Variants in HR observed in about 807,000 individuals in gnomAD.
HR encodes the protein HR lysine demethylase and nuclear receptor corepressor.
A neutral mutation model predicts 128.6 loss-of-function variants in HR; 83 were observed. The observed-to-expected ratio is 0.65, with a 90% CI of 0.54 to 0.77. The LOEUF (loss-of-function observed/expected upper bound fraction) is 0.77. HR is among the 30% of genes least tolerant of loss of function. The pLI is 0.00. For missense variants in HR, 1,490 were observed against 1,574.6 expected, an observed-to-expected ratio of 0.95 and a Z score of 0.91; for synonymous variants, 681 against 658.2, an observed-to-expected ratio of 1.03 and a Z score of -0.53.
At chr8:22,123,617 T>TTTCCCCCCCCC in intron 6 of HR, 32 bp downstream of exon 6, 3 of 292,092 alleles carry the variant, frequency 1.0e-5, no homozygotes, top group East Asian at 1.1e-4. Flanking sequence ...GAGGGCTCCA[T>TTTCCCCCCCCC]CCCGCCCTCC....
At chr8:22,126,984 G>GCGGC in intron 3 of HR, 53 bp downstream of exon 3, 1 of 1,267,116 alleles carries the variant, frequency 7.9e-7, no homozygotes, top group Non-Finnish European at 1.1e-6. Flanking sequence ...CGAAGCCCCA[G>GCGGC]CCCCGGCTGC....
intron 3 of HR, among the ~76,000 whole-genome samples, chr8:22,126,107 AT>A (rs1257582813): frequency 1.3e-5 from 2 of 152,208 alleles, no homozygotes; most frequent in Non-Finnish European, 2.9e-5. Flanking sequence ...TGAGGAGACA[AT>A]CCCAACGTGG....
intron 8 of HR, among the ~76,000 whole-genome samples, chr8:22,122,201 G>C (rs558130338): frequency 1.1e-4 from 17 of 152,312 alleles, no homozygotes; most frequent in African/African-American, 3.8e-4. Context: ...CTGGGGACCT[G>C]GCCATACCAA....
Position 22,127,085 on chromosome 8 carries a change from A to T in HR, c.1357T>A (p.Ser453Thr). The T allele has an allele frequency of 6.2e-7, 1 of 1,611,604 alleles. No individual in the cohort carries two copies. The highest frequency in any genetic ancestry group is 1.1e-5 in the South Asian group (1 of 90,940). The part of the protein sequence containing the change: ...AGGWQEVRDT[S>T]IGNKDVDSGQ... ...GAGTCCACATCCTTGTTCCCTATCG[A>T]TGTGTCCCGCACCTCCTGCCAACCC... is the stretch of plus-strand genomic sequence containing the variant. The change falls in exon 3 of 19, where the codon TCG becomes ACG. Residue 453 changes from serine (S) to threonine (T), a missense_variant. Coordinates refer to ENST00000381418, the MANE Select transcript of HR (RefSeq NM_005144.5).
rs1270584921 is a variant in HR at position 22,128,960 on chromosome 8, C to G, written c.211G>C (p.Asp71His). Reference sequence around the variant, plus strand: ...TCGCCCTCCACAAGTGGGAGCATGTCCTTGGGGCCCTGGGGGAAGCCAGGG... The same window carrying G: ...TCGCCCTCCACAAGTGGGAGCATGTGCTTGGGGCCCTGGGGGAAGCCAGGG... ...LPPGFPQGPK[D>H]MLPLVEGEGP... Residue 71 changes from aspartate to histidine, a missense_variant, in exon 2 of 19, where the codon GAC becomes CAC. Physicochemically the swap from Asp to His is moderately conservative, Grantham distance 81. Around this residue, in one of 3 missense-constraint regions of HR, gnomAD observed 1,060 missense variants for 1,060.9 expected, o/e 1.00. Coordinates refer to ENST00000381418, the MANE Select transcript of HR (RefSeq NM_005144.5). 2.3e-5 allele frequency: 37 copies of G among 1,613,300 alleles called. No individual in the cohort carries two copies. The highest frequency in any genetic ancestry group is 3.1e-5 in the Non-Finnish European group (36 of 1,180,010).
intron 14 of HR, 63 bp from the exon 15 acceptor site, chr8:22,119,346 C>A: frequency 6.2e-7 from 1 of 1,606,628 alleles, no homozygotes; most frequent in Non-Finnish European, 8.5e-7. Context: ...CGGTTGCTCA[C>A]GCCTGTAATC....
rs931678658 is a variant in HR at position 22,122,716 on chromosome 8, G to A, written c.2005+74C>T. 4.7e-6 allele frequency: 7 copies of A among 1,493,126 alleles called. No individual in the cohort carries two copies. In the African/African-American group the frequency reaches 9.7e-5, roughly 21 times the overall value. The allele number at this position is 1,493,126 out of a possible 1,614,324, so 92.5% of individuals were successfully genotyped here. On this transcript the variant is annotated intron_variant, in intron 7 of 18. Transcript: ENST00000381418. ...GCAGAAGGGCATGGCACTGGGGGGA[G>A]GGACAATCAGACGGGAAGCTGGTCT...
At chr8:22,121,717 C>T in intron 8 of HR, 23 bp from the exon 9 acceptor site, 1 of 1,608,922 alleles carries the variant, frequency 6.2e-7, no homozygotes, top group Non-Finnish European at 8.5e-7. Context: ...TCCACCACCC[C>T]CCCAATCCAA....
At chr8:22,121,766 C>A in intron 8 of HR, 72 bp from the exon 9 acceptor site, 3 of 1,441,276 alleles carry the variant, frequency 2.1e-6, no homozygotes, top group Non-Finnish European at 2.9e-6. Context: ...TCAACAGAAC[C>A]CACAAGAATG....
chr8:22,122,934 T>G, intron 6 of HR, 55 bp from the exon 7 acceptor site: 553 of 1,509,774 alleles, frequency 3.7e-4, no homozygotes, highest in Non-Finnish European at 4.5e-4. Flanking sequence ...AATCACAGGT[T>G]AAGGTCAGAG....
intron 7 of HR, 22 bp downstream of exon 7, chr8:22,122,768 C>T: frequency 6.5e-7 from 1 of 1,548,536 alleles, no homozygotes; most frequent in Non-Finnish European, 8.7e-7. Flanking sequence ...TCTGCACGCC[C>T]CACCCCTCCA....
At position 22,116,793 on chromosome 8, in the gene HR, G is replaced by C; in HGVS notation, c.3378+82C>G. 1 of 1,499,694 alleles carries C rather than the reference G, an allele frequency of 6.7e-7. No individual in the cohort carries two copies. Among genetic ancestry groups the C allele is most frequent in the African/African-American group, 1.4e-5 (1 of 72,334 alleles). 92.9% of individuals were successfully genotyped at this position (1,499,694 alleles called of 1,614,324 possible). ...CCTGCCCGGCTCTTGGGTATTGAGG[G>C]GATGTTGGATGCCTGCGGCCTTGAT... On this transcript the variant is annotated intron_variant, in intron 17 of 18. Transcript: ENST00000381418. This position sits in a 1 kb window ranked among gnomAD's most constrained non-coding sequence, Gnocchi z 4.2.
chr8:22,116,507 C>T lies in HR; in HGVS notation c.3379-79G>A. The T allele has an allele frequency of 2.6e-6, 4 of 1,552,826 alleles. No individual in the cohort carries two copies. The highest frequency in any genetic ancestry group is 2.6e-6 in the Non-Finnish European group (3 of 1,146,424). On this transcript the variant is annotated intron_variant, in intron 17 of 18. Coordinates refer to ENST00000381418, the MANE Select transcript of HR (RefSeq NM_005144.5). The surrounding 1 kb of genome is among the most constrained non-coding windows in gnomAD (Gnocchi z 4.2). ...TCCCCCTGGTCCCTGAGGTTCGCTT[C>T]CTCTAATGACAACCACCCCCGACCC...
At chr8:22,122,968 C>T (rs1343701286) in intron 6 of HR, 89 bp from the exon 7 acceptor site, 1 of 1,240,204 alleles carries the variant, frequency 8.1e-7, no homozygotes, top group Non-Finnish European at 1.2e-6. Context: ...GATACCTAAA[C>T]CAGGGGACTC....
At position 22,129,078 on chromosome 8, in the gene HR, C is replaced by T. The variant is rs373939334; in HGVS notation, c.93G>A (p.Pro31=). 71 of 1,574,852 alleles carry T rather than the reference C, an allele frequency of 4.5e-5. No homozygotes were observed. Among genetic ancestry groups the T allele is most frequent in the Admixed American group, 1.3e-4 (7 of 54,646 alleles). The part of the protein sequence containing the change: ...NGIVRQEPGS[P]PRDGLHHGPL... ...GCCCATGGTGCAGTCCATCTCGAGG[C>T]GGGCTGCCGGGCTCCTGTCTCACGA... Residue 31 remains proline, a synonymous_variant, in exon 2 of 19, where the codon CCG becomes CCA. Transcript: ENST00000381418.
intron 6 of HR, 32 bp downstream of exon 6, chr8:22,123,617 T>TTCCCCCCCCCCCCCCCCCCC: frequency 3.4e-6 from 1 of 292,092 alleles, no homozygotes; most frequent in East Asian, 1.1e-4. Context: ...GAGGGCTCCA[T>TTCCCCCCCCCCCCCCCCCCC]CCCGCCCTCC....
chr8:22,123,617 T>TGGGGCGCCC, intron 6 of HR, 32 bp downstream of exon 6: 2 of 292,090 alleles, frequency 6.8e-6, no homozygotes, highest in Non-Finnish European at 1.2e-5. Context: ...GAGGGCTCCA[T>TGGGGCGCCC]CCCGCCCTCC....
Position 22,121,135 on chromosome 8 carries a change from G to A in HR, c.2297C>T (p.Ala766Val), listed in dbSNP as rs747006592. 8.7e-6 allele frequency: 14 copies of A among 1,613,798 alleles called. No homozygotes were observed. Among genetic ancestry groups the A allele is most frequent in the South Asian group, 2.2e-5 (2 of 91,092 alleles). Residue 766 changes from alanine (A) to valine (V), a missense_variant, in exon 10 of 19, where the codon GCG becomes GTG. Ala to Val is a moderately conservative substitution (Grantham distance 64, BLOSUM62 0). This residue lies in a region of HR where 1,060 missense variants were observed against 1,060.9 expected (regional missense o/e 1.00). Coordinates refer to ENST00000381418, the MANE Select transcript of HR (RefSeq NM_005144.5). ...CTCATGGCCCAAGCAGAGTTTGACC[G>A]CGGTAGAAGCCAGCAGTTCGCAGAG... ...PSLCELLASTAVKLCLGHERI... is the reference protein window; with the variant it reads ...PSLCELLASTVVKLCLGHERI...
chr8:22,128,511 A>C (rs775842594), intron 2 of HR, 48 bp downstream of exon 2: 2 of 1,610,048 alleles, frequency 1.2e-6, no homozygotes, highest in African/African-American at 2.7e-5. Context: ...CCACCGAGCA[A>C]CTTTGCTAGG....
Sources: gnomAD v4.1 joint callset for allele counts (sites outside exome capture counted in the v4.1 genomes callset) on GRCh38, gnomAD v4.1.1 for gene constraint, gnomAD v4.1.1 regional missense constraint, Gnocchi (gnomAD v3.1) non-coding constraint, MANE v1.5 for transcripts, NCBI Gene and HGNC (gene_info 2026-07-23, HGNC 2026-07-21) for gene names.